ADGRL3: variants seen among roughly 807,000 people sequenced by gnomAD.
ADGRL3 encodes the protein adhesion G protein-coupled receptor L3, also known as calcium-independent alpha-latrotoxin receptor 3.
ADGRL3 carries 62 observed loss-of-function variants against 153.5 expected under a neutral mutation model. That is an observed-to-expected ratio of 0.40 (90% CI 0.33 to 0.50). ADGRL3 has a LOEUF of 0.50. ADGRL3 is among the 20% of genes least tolerant of loss of function. ADGRL3 has a pLI of 0.47. For missense variants in ADGRL3, 1,641 were observed against 1,859.4 expected (o/e 0.88, Z 2.16); for synonymous variants, 710 against 672.5 (o/e 1.06, Z -0.86).
At chr4:61,320,270 T>C (rs771751272) in intron 1 of ADGRL3, among the ~76,000 whole-genome samples, 7 of 152,230 alleles carry the variant, frequency 4.6e-5, no homozygotes, top group Non-Finnish European at 8.8e-5. Context: ...CCTTCTTATA[T>C]GCAAATATAC....
intron 8 of ADGRL3, among the ~76,000 whole-genome samples, chr4:61,794,327 G>A (rs2152451084): frequency 6.6e-6 from 1 of 152,298 alleles, no homozygotes; most frequent in Non-Finnish European, 1.5e-5. Flanking sequence ...GACATGAGTG[G>A]AGGAATTATT....
At chr4:61,424,831 C>T (rs2097257006) in intron 2 of ADGRL3, among the ~76,000 whole-genome samples, 2 of 152,096 alleles carry the variant, frequency 1.3e-5, no homozygotes, top group Non-Finnish European at 2.9e-5. Context: ...GACACCTGCT[C>T]CAGGGATGGT....
At chr4:61,935,341 A>G (rs1051450278) in intron 14 of ADGRL3, among the ~76,000 whole-genome samples, 1 of 152,154 alleles carries the variant, frequency 6.6e-6, no homozygotes, top group Non-Finnish European at 1.5e-5. Flanking sequence ...TCATCCTCTT[A>G]ATACAGGACT....
chr4:61,739,581 A>G (rs1242864598), intron 8 of ADGRL3, among the ~76,000 whole-genome samples: 4 of 152,166 alleles, frequency 2.6e-5, no homozygotes, highest in Admixed American at 2.0e-4. Context: ...ATGTTTTTTA[A>G]ATCTGCTTTT....
chr4:61,520,046 C>T (rs2098520614), intron 4 of ADGRL3, among the ~76,000 whole-genome samples: 1 of 152,042 alleles, frequency 6.6e-6, no homozygotes, highest in Non-Finnish European at 1.5e-5. Context: ...TTGTTTTTTC[C>T]CCCCTTTGAA....
chr4:61,436,978 A>G (rs2097455689), intron 2 of ADGRL3, among the ~76,000 whole-genome samples: 1 of 152,172 alleles, frequency 6.6e-6, no homozygotes. Context: ...TGAAAATTTC[A>G]GGAACTATGA....
chr4:61,567,704 C>G (rs950395404), intron 4 of ADGRL3, among the ~76,000 whole-genome samples: 2 of 152,130 alleles, frequency 1.3e-5, no homozygotes, highest in East Asian at 1.9e-4. Context: ...TTTCCACAAC[C>G]CTTTCCTCCA....
At chr4:62,008,393 A>G (rs940112595) in intron 21 of ADGRL3, among the ~76,000 whole-genome samples, 3 of 152,166 alleles carry the variant, frequency 2.0e-5, no homozygotes, top group African/African-American at 7.2e-5. Flanking sequence ...GGTATAGTGT[A>G]CAAGCGAAGG....
chr4:61,352,451 C>T lies in ADGRL3; in HGVS notation c.-239-30673C>T, dbSNP rs80018573. 8.6e-5 allele frequency among the ~76,000 whole-genome samples: 13 copies of T among 151,220 alleles called. No individual in the cohort carries two copies. In the East Asian group the frequency reaches 1.4e-3, roughly 16 times the overall value. The stretch of plus-strand genomic sequence containing the variant: ...TCACCCAAGCTGGAGTGCAGTGGTG[C>T]GATCTCAGCTCACTGCAACGTCCAT... On this transcript the variant is annotated intron_variant, in intron 1 of 26. Coordinates refer to ENST00000683033, the MANE Select transcript of ADGRL3 (RefSeq NM_001387552.1).
chr4:61,393,777 A>G (rs1578616453), intron 2 of ADGRL3, among the ~76,000 whole-genome samples: 2 of 152,156 alleles, frequency 1.3e-5, no homozygotes, highest in Admixed American at 1.3e-4. Flanking sequence ...ACTCTTGAAG[A>G]GGAATGAAGA....
chr4:61,485,719 C>G (rs2098183729), intron 2 of ADGRL3, among the ~76,000 whole-genome samples: 1 of 152,122 alleles, frequency 6.6e-6, no homozygotes, highest in Non-Finnish European at 1.5e-5. Flanking sequence ...GACTTTACTA[C>G]CTCAATTCTT....
chr4:61,563,138 G>A (rs189067426), intron 4 of ADGRL3, among the ~76,000 whole-genome samples: 88 of 152,028 alleles, frequency 5.8e-4, no homozygotes, highest in South Asian at 1.9e-3. Context: ...GAAATTACTC[G>A]ATCTATAGAC....
At chr4:61,380,694 C>T (rs2096657112) in intron 1 of ADGRL3, among the ~76,000 whole-genome samples, 1 of 151,868 alleles carries the variant, frequency 6.6e-6, no homozygotes, top group African/African-American at 2.4e-5. Context: ...CGATATGGAA[C>T]TATAAAGTAA....
intron 17 of ADGRL3, among the ~76,000 whole-genome samples, chr4:61,949,401 T>C (rs2098938217): frequency 6.6e-6 from 1 of 152,106 alleles, no homozygotes; most frequent in African/African-American, 2.4e-5. Flanking sequence ...TAATTGCATT[T>C]AAAATCTTAA....
At chr4:61,693,515 A>C (rs2151169105) in intron 6 of ADGRL3, among the ~76,000 whole-genome samples, 1 of 152,272 alleles carries the variant, frequency 6.6e-6, no homozygotes, top group Non-Finnish European at 1.5e-5. Context: ...TAAGTCTGAG[A>C]TTAAGCTGTC....
intron 5 of ADGRL3, among the ~76,000 whole-genome samples, chr4:61,636,417 A>T (rs2093426020): frequency 6.6e-6 from 1 of 152,168 alleles, no homozygotes. Context: ...CTAGTTTCTC[A>T]TCAGATGCAG....
At chr4:62,038,206 T>G (rs914755440) in intron 24 of ADGRL3, among the ~76,000 whole-genome samples, 1 of 152,172 alleles carries the variant, frequency 6.6e-6, no homozygotes, top group African/African-American at 2.4e-5. Context: ...CTAATTCTTA[T>G]AATTCTTCTA....
chr4:61,848,163 T>TG (rs748891237), intron 9 of ADGRL3, among the ~76,000 whole-genome samples: 32 of 132,790 alleles, frequency 2.4e-4, no homozygotes, highest in South Asian at 6.6e-4. Context: ...TTTTATCATA[T>TG]GAACTGGTTT....
intron 21 of ADGRL3, among the ~76,000 whole-genome samples, chr4:62,021,661 T>G (rs2151387484): frequency 6.6e-6 from 1 of 152,294 alleles, no homozygotes; most frequent in South Asian, 2.1e-4. Flanking sequence ...TTCATAGATC[T>G]ATGTCACATT....
Sources: gnomAD v4.1 joint callset for allele counts (sites outside exome capture counted in the v4.1 genomes callset) on GRCh38, gnomAD v4.1.1 for gene constraint, MANE v1.5 for transcripts, NCBI Gene and HGNC (gene_info 2026-07-23, HGNC 2026-07-21) for gene names.